Variants in CCDC60 observed in about 807,000 individuals in gnomAD.
CCDC60 encodes coiled-coil domain containing 60.
A neutral mutation model predicts 63.5 loss-of-function variants in CCDC60; 54 were observed. The ratio of observed to expected loss-of-function variants is 0.85; its 90% CI spans 0.68 to 1.07. The LOEUF (loss-of-function observed/expected upper bound fraction) is 1.07. Ranked by LOEUF, CCDC60 falls within the 50% of genes least tolerant of loss-of-function variation. The pLI, the probability that CCDC60 is intolerant of heterozygous loss-of-function variation, is 0.00. For synonymous variants in CCDC60, 206 were observed against 238.8 expected (o/e 0.86, Z 1.27); for missense variants, 651 against 684.3 (o/e 0.95, Z 0.54).
rs1013340522 is a variant in CCDC60 at position 119,410,008 on chromosome 12, A to G, written c.91-18675A>G. 2.6e-5 allele frequency among the ~76,000 whole-genome samples: 4 copies of G among 152,092 alleles called. No individual in the cohort carries two copies. Among genetic ancestry groups the G allele is most frequent in the Admixed American group, 6.5e-5 (1 of 15,268 alleles). On this transcript the variant is annotated intron_variant, in intron 1 of 13. Transcript: ENST00000327554. This position sits in a 1 kb window ranked among gnomAD's most constrained non-coding sequence, Gnocchi z 4.0. ...TCTTAGCCACCACTCTTGTTCCCAG[A>G]TTCAGCTCCAAAGACTCAAGAGTTT...
chr12:119,372,788 A>G (rs1342308183), intron 1 of CCDC60, among the ~76,000 whole-genome samples: 2 of 152,132 alleles, frequency 1.3e-5, no homozygotes, highest in East Asian at 3.9e-4. Flanking sequence ...AGGTTGCTAC[A>G]CACGCCATGG....
intron 1 of CCDC60, among the ~76,000 whole-genome samples, chr12:119,377,254 C>CAAAAAAAAAAAAAAAAAAAAAA (rs60100165): frequency 2.1e-5 from 1 of 47,444 alleles, no homozygotes. Flanking sequence ...CACTCCATCT[C>CAAAAAAAAAAAAAAAAAAAAAA]AAAAAAAAAA....
intron 4 of CCDC60, among the ~76,000 whole-genome samples, chr12:119,482,157 C>T (rs527412994): frequency 3.6e-5 from 5 of 138,368 alleles, no homozygotes; most frequent in Non-Finnish European, 6.6e-5. Context: ...CACACACACA[C>T]ATACACACAC....
intron 1 of CCDC60, among the ~76,000 whole-genome samples, chr12:119,404,677 G>A (rs1956454308): frequency 6.6e-6 from 1 of 152,222 alleles, no homozygotes; most frequent in South Asian, 2.1e-4. Flanking sequence ...CAACAGGGAT[G>A]AGGACAGGTA....
chr12:119,437,901 T>C (rs979635784), intron 2 of CCDC60, among the ~76,000 whole-genome samples: 1 of 151,016 alleles, frequency 6.6e-6, no homozygotes, highest in African/African-American at 2.4e-5. Context: ...TCCTCTTGAG[T>C]CACATCTTCC....
At chr12:119,513,119 G>T (rs554638305) in intron 7 of CCDC60, among the ~76,000 whole-genome samples, 2 of 152,158 alleles carry the variant, frequency 1.3e-5, no homozygotes, top group Admixed American at 6.5e-5. Flanking sequence ...CCCAAAGCTC[G>T]TGGTTTTGTA....
chr12:119,450,822 C>T (rs1444547025), intron 2 of CCDC60, among the ~76,000 whole-genome samples: 1 of 150,942 alleles, frequency 6.6e-6, no homozygotes, highest in East Asian at 2.0e-4. Context: ...CACGCGACTG[C>T]ACTCCAGCCT....
intron 1 of CCDC60, among the ~76,000 whole-genome samples, chr12:119,425,125 G>T (rs1168593867): frequency 6.6e-6 from 1 of 152,136 alleles, no homozygotes; most frequent in Non-Finnish European, 1.5e-5. Flanking sequence ...ATAAAACAGG[G>T]TTTCAATCAT....
At chr12:119,464,905 T>C (rs1406280074) in intron 2 of CCDC60, among the ~76,000 whole-genome samples, 1 of 152,258 alleles carries the variant, frequency 6.6e-6, no homozygotes, top group African/African-American at 2.4e-5. Context: ...GATTCAATTG[T>C]GTCCTCCCCA....
chr12:119,419,447 C>T (rs551211589), intron 1 of CCDC60, among the ~76,000 whole-genome samples: 45 of 152,304 alleles, frequency 3.0e-4, no homozygotes, highest in Middle Eastern at 3.4e-3. Context: ...TCAGGTTCAC[C>T]TGATAAGAGT....
intron 2 of CCDC60, among the ~76,000 whole-genome samples, chr12:119,462,232 A>G (rs1950868736): frequency 6.6e-6 from 1 of 152,202 alleles, no homozygotes; most frequent in Admixed American, 6.5e-5. Flanking sequence ...GGTTTGCTAC[A>G]GACTTGGCTT....
At chr12:119,474,305 A>G (rs1370065942) in intron 3 of CCDC60, among the ~76,000 whole-genome samples, 1 of 152,214 alleles carries the variant, frequency 6.6e-6, no homozygotes, top group African/African-American at 2.4e-5. Context: ...CTGCCAGGTC[A>G]TTTGCCAAAA....
chr12:119,525,791 T>C (rs1022408265), intron 11 of CCDC60, among the ~76,000 whole-genome samples: 1 of 152,194 alleles, frequency 6.6e-6, no homozygotes, highest in Non-Finnish European at 1.5e-5. Context: ...AAACATCCCA[T>C]GCTCATGAGT....
intron 7 of CCDC60, among the ~76,000 whole-genome samples, chr12:119,511,362 G>C (rs554491709): frequency 6.6e-6 from 1 of 152,340 alleles, no homozygotes; most frequent in South Asian, 2.1e-4. Context: ...GAGACAGCAG[G>C]TTGCAGCCTC....
chr12:119,490,527 G>A (rs1376378198), intron 5 of CCDC60, among the ~76,000 whole-genome samples: 1 of 151,738 alleles, frequency 6.6e-6, no homozygotes, highest in East Asian at 1.9e-4. Flanking sequence ...GAATTTCCTT[G>A]AAAACCACAG....
intron 13 of CCDC60, among the ~76,000 whole-genome samples, chr12:119,538,691 C>T (rs1464659820): frequency 6.6e-6 from 1 of 152,196 alleles, no homozygotes; most frequent in Non-Finnish European, 1.5e-5. Flanking sequence ...CTACTTCTGT[C>T]AATTTGTCAA....
At chr12:119,460,219 A>G (rs1210131250) in intron 2 of CCDC60, among the ~76,000 whole-genome samples, 1 of 152,198 alleles carries the variant, frequency 6.6e-6, no homozygotes, top group Non-Finnish European at 1.5e-5. Flanking sequence ...TTGCTCAGAT[A>G]TTTTATCACA....
intron 1 of CCDC60, among the ~76,000 whole-genome samples, chr12:119,404,290 C>CA (rs1327832128): frequency 6.6e-6 from 1 of 151,654 alleles, no homozygotes; most frequent in Admixed American, 6.6e-5. Flanking sequence ...ATTCTGTCTC[C>CA]AAAAAAAATA....
chr12:119,365,141 G>A (rs977931773), intron 1 of CCDC60, among the ~76,000 whole-genome samples: 10 of 152,180 alleles, frequency 6.6e-5, no homozygotes, highest in African/African-American at 2.4e-4. Flanking sequence ...ATGAGATAAC[G>A]TGTCCCAGGT....
Sources: gnomAD v4.1 joint callset for allele counts (sites outside exome capture counted in the v4.1 genomes callset) on GRCh38, gnomAD v4.1.1 for gene constraint, Gnocchi (gnomAD v3.1) non-coding constraint, MANE v1.5 for transcripts, NCBI Gene and HGNC (gene_info 2026-07-23, HGNC 2026-07-21) for gene names.